Variants in CDC73 observed in about 807,000 individuals in gnomAD.
The protein encoded by CDC73 is cell division cycle 73, also known as parafibromin.
CDC73 carries 21 observed loss-of-function variants against 83.7 expected under a neutral mutation model. The ratio of observed to expected loss-of-function variants is 0.25; its 90% CI spans 0.18 to 0.36. The LOEUF (loss-of-function observed/expected upper bound fraction) is 0.36, where lower values mean the gene tolerates loss of function less well. CDC73 is among the 10% of genes least tolerant of loss of function. CDC73 has a pLI of 1.00. For synonymous variants in CDC73, 224 were observed against 212.9 expected, an observed-to-expected ratio of 1.05 and a Z score of -0.45; for missense variants, 342 against 653.3, an observed-to-expected ratio of 0.52 and a Z score of 5.19.
chr1:193,179,194 C>G (rs532743720), intron 10 of CDC73: 1 of 152,238 alleles, frequency 6.6e-6, no homozygotes, highest in Admixed American at 6.5e-5. Context: ...TATTTGTCAT[C>G]TACCAAATTA....
intron 3 of CDC73, among the ~76,000 whole-genome samples, chr1:193,132,549 G>C (rs1027469897): frequency 6.6e-6 from 1 of 151,976 alleles, no homozygotes; most frequent in African/African-American, 2.4e-5. Flanking sequence ...TTGGGCTCAA[G>C]CAGTCCTCCT....
At chr1:193,139,874 G>A (rs1675874487) in intron 6 of CDC73, among the ~76,000 whole-genome samples, 1 of 152,214 alleles carries the variant, frequency 6.6e-6, no homozygotes, top group South Asian at 2.1e-4. Flanking sequence ...TAGTGGAACA[G>A]GCACTATTCT....
intron 13 of CDC73, among the ~76,000 whole-genome samples, chr1:193,220,931 A>G (rs998400990): frequency 2.1e-5 from 3 of 142,004 alleles, no homozygotes; most frequent in Non-Finnish European, 4.6e-5. Flanking sequence ...TAGTTTTTGT[A>G]TGAGCTTTCC....
intron 10 of CDC73, among the ~76,000 whole-genome samples, chr1:193,167,172 C>G (rs572853719): frequency 1.3e-5 from 2 of 152,266 alleles, no homozygotes; most frequent in East Asian, 3.9e-4. Flanking sequence ...ACTAAATTTG[C>G]CCATCTGAGC....
At chr1:193,184,831 G>A (rs1676777806) in intron 10 of CDC73, among the ~76,000 whole-genome samples, 1 of 151,796 alleles carries the variant, frequency 6.6e-6, no homozygotes, top group African/African-American at 2.4e-5. Flanking sequence ...TGGTAAACTT[G>A]TTTAATCTTC....
intron 3 of CDC73, among the ~76,000 whole-genome samples, chr1:193,132,850 T>A (rs1026041267): frequency 7.3e-5 from 11 of 151,404 alleles, no homozygotes. Context: ...CTTTTTAGAA[T>A]CAAAAGTAGA....
intron 11 of CDC73, 88 bp downstream of exon 11, chr1:193,203,940 C>A: frequency 1.9e-6 from 2 of 1,064,828 alleles, no homozygotes; most frequent in Non-Finnish European, 2.9e-6. Flanking sequence ...TTTGAACAAA[C>A]TTAAATTTTA....
chr1:193,203,745 A>G (rs554757536), intron 10 of CDC73, 50 bp from the exon 11 acceptor site: 25 of 1,357,916 alleles, frequency 1.8e-5, no homozygotes, highest in African/African-American at 7.2e-5. Flanking sequence ...TAAAGTGTTT[A>G]TTATGTAAAG....
intron 10 of CDC73, among the ~76,000 whole-genome samples, chr1:193,185,358 A>G (rs576750883): frequency 6.6e-6 from 1 of 152,138 alleles, no homozygotes; most frequent in East Asian, 1.9e-4. Flanking sequence ...ACGAGGCTCT[A>G]TTGTGGGGTT....
At chr1:193,214,233 T>C (rs1193924991) in intron 13 of CDC73, among the ~76,000 whole-genome samples, 1 of 152,200 alleles carries the variant, frequency 6.6e-6, no homozygotes, top group Non-Finnish European at 1.5e-5. Flanking sequence ...TCTTTCTAGC[T>C]CAGCATTTCA....
chr1:193,232,008 T>A (rs1049865984), intron 13 of CDC73, among the ~76,000 whole-genome samples: 4 of 152,154 alleles, frequency 2.6e-5, no homozygotes, highest in Admixed American at 2.6e-4. Flanking sequence ...TTAAAATACT[T>A]TGTGAACACT....
intron 10 of CDC73, among the ~76,000 whole-genome samples, chr1:193,187,444 A>G (rs1352979872): frequency 6.6e-6 from 1 of 152,176 alleles, no homozygotes; most frequent in Non-Finnish European, 1.5e-5. Flanking sequence ...TTTTATTAAC[A>G]CTACACACTC....
At chr1:193,153,883 A>C (rs1386944513) in intron 10 of CDC73, among the ~76,000 whole-genome samples, 2 of 152,196 alleles carry the variant, frequency 1.3e-5, no homozygotes, top group Admixed American at 6.5e-5. Context: ...ACAGTTGAGC[A>C]GAGAGACTTG....
intron 14 of CDC73, among the ~76,000 whole-genome samples, chr1:193,235,953 A>G (rs935519706): frequency 1.3e-5 from 2 of 152,244 alleles, no homozygotes; most frequent in African/African-American, 4.8e-5. Flanking sequence ...ACTCTAATTA[A>G]CAGAAGGGAA....
At chr1:193,132,525 C>T (rs538069621) in intron 3 of CDC73, among the ~76,000 whole-genome samples, 1 of 151,884 alleles carries the variant, frequency 6.6e-6, no homozygotes, top group African/African-American at 2.4e-5. Flanking sequence ...ATTGTTCAGG[C>T]TGGTCTTGAA....
intron 13 of CDC73, among the ~76,000 whole-genome samples, chr1:193,227,767 A>T (rs1558317919): frequency 6.6e-6 from 1 of 152,202 alleles, no homozygotes; most frequent in Admixed American, 6.5e-5. Flanking sequence ...TACCTTTGGG[A>T]TGCTACCTTA....
intron 2 of CDC73, among the ~76,000 whole-genome samples, chr1:193,127,474 C>T (rs1254930553): frequency 5.9e-5 from 9 of 152,018 alleles, no homozygotes; most frequent in Admixed American, 3.3e-4. Flanking sequence ...AAAAAAATAG[C>T]ACCAGCTCCG....
At chr1:193,247,829 T>C (rs1286380956) in intron 15 of CDC73, among the ~76,000 whole-genome samples, 1 of 152,054 alleles carries the variant, frequency 6.6e-6, no homozygotes, top group Non-Finnish European at 1.5e-5. Context: ...AGGAGAGAAT[T>C]CTGCAGAAGA....
chr1:193,165,118 G>C (rs1676413617), intron 10 of CDC73, among the ~76,000 whole-genome samples: 1 of 152,120 alleles, frequency 6.6e-6, no homozygotes, highest in Non-Finnish European at 1.5e-5. Context: ...CTTGAACTCT[G>C]GGCTCAAGCC....
Sources: allele counts gnomAD v4.1 joint callset (sites outside exome capture counted in the v4.1 genomes callset), GRCh38; gene constraint gnomAD v4.1.1; transcripts MANE v1.5; gene names NCBI Gene and HGNC (gene_info 2026-07-23, HGNC 2026-07-21).